CC2D2A: variants seen among roughly 807,000 people sequenced by gnomAD.
The protein encoded by CC2D2A is coiled-coil and C2 domain containing 2A, also known as coiled-coil and C2 domain-containing protein 2A.
CC2D2A carries 155 observed loss-of-function variants against 212.9 expected under a neutral mutation model. That is an observed-to-expected ratio of 0.73 (90% confidence interval 0.64 to 0.83). CC2D2A has a LOEUF of 0.83. Among genes scored for constraint, CC2D2A ranks in the 40% least tolerant of loss-of-function variants. The pLI, the probability that CC2D2A is intolerant of heterozygous loss-of-function variation, is 0.00. For synonymous variants in CC2D2A, 667 were observed against 686.5 expected (o/e 0.97, Z 0.44); for missense variants, 1,856 against 1,956.2 (o/e 0.95, Z 0.97).
chr4:15,525,392 G>C (rs1031393038), intron 11 of CC2D2A, among the ~76,000 whole-genome samples: 1 of 152,202 alleles, frequency 6.6e-6, no homozygotes, highest in Non-Finnish European at 1.5e-5. Context: ...AGTTGTACAT[G>C]TATTTGTGAG....
intron 4 of CC2D2A, among the ~76,000 whole-genome samples, chr4:15,491,241 A>G (rs574018749): frequency 1.3e-5 from 2 of 152,200 alleles, no homozygotes; most frequent in East Asian, 1.9e-4. Context: ...GTTTCTCCAC[A>G]TCTTTTCCAA....
At chr4:15,586,123 A>G in intron 30 of CC2D2A, 34 bp from the exon 31 acceptor site, 1 of 1,461,246 alleles carries the variant, frequency 6.8e-7, no homozygotes, top group Non-Finnish European at 9.6e-7. Flanking sequence ...TTTTATTATA[A>G]ATTATTTTTG....
At position 15,569,314 on chromosome 4, in the gene CC2D2A, C is replaced by T; in HGVS notation, c.3420C>T (p.Ser1140=). ...GCAGGGCTCCTAATGGAGATTATAG[C>T]ACAGCCAGTCTGCAGTCAGTGAAAG... ...LPFRAPNGDY[S]TASLQSVKDV... is the part of the protein sequence containing the mutation. The change falls in exon 27 of 37, where the codon AGC becomes AGT. Residue 1140 remains serine, a synonymous_variant. Transcript: ENST00000424120. The T allele has an allele frequency of 1.3e-6, 2 of 1,579,890 alleles. No homozygotes were observed. Among genetic ancestry groups the T allele is most frequent in the South Asian group, 1.2e-5 (1 of 86,046 alleles).
At chr4:15,514,983 C>T in intron 9 of CC2D2A, 114 bp downstream of exon 9, 1 of 858,168 alleles carries the variant, frequency 1.2e-6, no homozygotes. Context: ...AGTTTCTAAT[C>T]TAACAATCAA....
chr4:15,589,633 C>T lies in CC2D2A; in HGVS notation c.4268C>T (p.Thr1423Ile), dbSNP rs1721002671. ...GGACATTTTTATGGACAATTTGATACATTCTGTCCCTTGAAAAATGTGGGC... is the reference window on the plus strand; with the variant it reads ...GGACATTTTTATGGACAATTTGATATATTCTGTCCCTTGAAAAATGTGGGC... ...CSGHFYGQFD[T>I]FCPLKNVGCL... The change falls in exon 33 of 37, where the codon ACA becomes ATA. Residue 1423 changes from threonine (T) to isoleucine (I), a missense_variant. By Grantham distance (89) the Thr-to-Ile change is moderately conservative. Coordinates refer to ENST00000424120, the MANE Select transcript of CC2D2A (RefSeq NM_001378615.1). 6.2e-7 allele frequency: 1 copy of T among 1,603,932 alleles called. No individual in the cohort carries two copies. Among genetic ancestry groups the T allele is most frequent in the Non-Finnish European group, 8.5e-7 (1 of 1,174,092 alleles).
At chr4:15,555,596 T>C (rs1719237352) in intron 20 of CC2D2A, among the ~76,000 whole-genome samples, 2 of 152,102 alleles carry the variant, frequency 1.3e-5, no homozygotes. Context: ...AAAATGTGCT[T>C]GGCACGGTGG....
Position 15,510,069 on chromosome 4 carries a change from C to A in CC2D2A, c.439-70C>A, listed in dbSNP as rs962097497. ...TAAGCCTTTGGGATGGGGGGGTTAA[C>A]CTTCATTTTAGAACAGCCTAAGTTT... On this transcript the variant is annotated intron_variant, in intron 6 of 36. Transcript: ENST00000424120. The A allele has an allele frequency of 2.5e-6, 3 of 1,179,206 alleles. No individual in the cohort carries two copies. In the African/African-American group the frequency reaches 4.6e-5, roughly 18 times the overall value. 73.0% of individuals were successfully genotyped at this position (1,179,206 alleles called of 1,614,324 possible).
intron 3 of CC2D2A, among the ~76,000 whole-genome samples, chr4:15,480,238 T>C (rs945320996): frequency 2.6e-5 from 4 of 152,236 alleles, no homozygotes; most frequent in African/African-American, 9.6e-5. Flanking sequence ...AAAGGTGTTA[T>C]TGCAAATTCT....
chr4:15,516,536 C>T, intron 10 of CC2D2A, 89 bp from the exon 11 acceptor site: 2 of 1,307,348 alleles, frequency 1.5e-6, no homozygotes, highest in South Asian at 3.2e-5. Flanking sequence ...TATGTTGACA[C>T]AGAATTTTCA....
intron 26 of CC2D2A, 101 bp from the exon 27 acceptor site, chr4:15,569,192 T>A (rs778830276): frequency 2.4e-5 from 16 of 673,492 alleles, no homozygotes; most frequent in Admixed American, 4.7e-5. Flanking sequence ...AATTCTAACA[T>A]CTATGCTCAT....
intron 18 of CC2D2A, among the ~76,000 whole-genome samples, chr4:15,551,892 C>T (rs1379397785): frequency 6.6e-6 from 1 of 152,022 alleles, no homozygotes; most frequent in Non-Finnish European, 1.5e-5. Context: ...AGGCCGAATC[C>T]AATCCTCAGG....
intron 4 of CC2D2A, among the ~76,000 whole-genome samples, chr4:15,492,295 C>T (rs921831663): frequency 6.6e-6 from 1 of 151,782 alleles, no homozygotes; most frequent in African/African-American, 2.4e-5. Context: ...TCTCTCTACT[C>T]TTACCACCCT....
intron 26 of CC2D2A, among the ~76,000 whole-genome samples, chr4:15,568,613 G>A (rs750154198): frequency 6.6e-6 from 1 of 152,188 alleles, no homozygotes; most frequent in South Asian, 2.1e-4. Flanking sequence ...ATAAGAACTA[G>A]TTAAGTCAGA....
chr4:15,574,858 A>C (rs753036526), intron 29 of CC2D2A, among the ~76,000 whole-genome samples: 1 of 152,240 alleles, frequency 6.6e-6, no homozygotes. Context: ...TCTAGAAAAG[A>C]GTTTCCAGAA....
At chr4:15,518,108 C>T (rs887634485) in intron 11 of CC2D2A, among the ~76,000 whole-genome samples, 1 of 152,148 alleles carries the variant, frequency 6.6e-6, no homozygotes, top group Non-Finnish European at 1.5e-5. Context: ...TGGCCCCTCC[C>T]AAATCTGTCC....
chr4:15,475,898 T>A lies in CC2D2A; in HGVS notation c.-18-17T>A, dbSNP rs376089418. The A allele has an allele frequency of 5.1e-6, 8 of 1,559,702 alleles. No homozygotes were observed. In the South Asian group the frequency reaches 8.2e-5, roughly 16 times the overall value. On this transcript the variant is annotated splice_polypyrimidine_tract_variant and intron_variant, in intron 1 of 36. Transcript: ENST00000424120. Reference sequence around the variant, plus strand: ...ATTGATTTCAAAATGCCTGACTTCTTCATTGTTCTTTGTCAGGGACCCATC... The same window carrying A: ...ATTGATTTCAAAATGCCTGACTTCTACATTGTTCTTTGTCAGGGACCCATC...
At chr4:15,511,843 A>C (rs755471090) in intron 8 of CC2D2A, among the ~76,000 whole-genome samples, 1 of 152,200 alleles carries the variant, frequency 6.6e-6, no homozygotes, top group Non-Finnish European at 1.5e-5. Flanking sequence ...GCTACAACTC[A>C]AATTCTGCAA....
rs551243983 is a variant in CC2D2A, at chr4:15,601,286, T to C, written c.4724T>C (p.Ile1575Thr). Residue 1575 changes from isoleucine (I) to threonine (T), a missense_variant, in exon 37 of 37, where the codon ATT (isoleucine) becomes ACT (threonine). Ile to Thr is a moderately conservative substitution (Grantham distance 89, BLOSUM62 -1). Transcript: ENST00000424120. Reference sequence around the variant, plus strand: ...CCTTATTCTGAAGTGAAGCCTTTAATTGACGCTGTGTATAGTACTGGAGTA... The same window carrying C: ...CCTTATTCTGAAGTGAAGCCTTTAACTGACGCTGTGTATAGTACTGGAGTA... Reference protein sequence around the residue: ...HMPYSEVKPLIDAVYSTGVHN... With the variant: ...HMPYSEVKPLTDAVYSTGVHN... The C allele has an allele frequency of 1.2e-5, 19 of 1,613,140 alleles. No homozygotes were observed. Among genetic ancestry groups the C allele is most frequent in the South Asian group, 2.2e-5 (2 of 90,986 alleles).
intron 29 of CC2D2A, among the ~76,000 whole-genome samples, chr4:15,579,131 T>C (rs12500587): frequency 6.6e-6 from 1 of 151,880 alleles, no homozygotes; most frequent in Non-Finnish European, 1.5e-5. Context: ...AAATCTACAT[T>C]TGTTCTGTTT....
Sources: allele counts gnomAD v4.1 joint callset (sites outside exome capture counted in the v4.1 genomes callset), GRCh38; gene constraint gnomAD v4.1.1; transcripts MANE v1.5; gene names NCBI Gene and HGNC (gene_info 2026-07-23, HGNC 2026-07-21).